SLC9A9: variants seen among roughly 807,000 people sequenced by gnomAD.
SLC9A9 encodes the protein sodium/hydrogen exchanger 9.
SLC9A9 carries 62 observed loss-of-function variants against 77.8 expected under a neutral mutation model. The ratio of observed to expected loss-of-function variants is 0.80; its 90% confidence interval spans 0.65 to 0.98. The LOEUF is 0.98. Ranked by LOEUF, SLC9A9 falls within the 50% of genes least tolerant of loss-of-function variation. The pLI is 0.00. For synonymous variants in SLC9A9, 320 were observed against 283.5 expected, an observed-to-expected ratio of 1.13 and a Z score of -1.29; for missense variants, 775 against 774.9, an observed-to-expected ratio of 1.00 and a Z score of 0.00.
intron 14 of SLC9A9, among the ~76,000 whole-genome samples, chr3:143,349,938 TC>T (rs2032402962): frequency 6.6e-6 from 1 of 152,144 alleles, no homozygotes; most frequent in African/African-American, 2.4e-5. Flanking sequence ...GAGAACTCCA[TC>T]CGCGAGGCAA....
chr3:143,653,554 G>C (rs1188506667), intron 5 of SLC9A9, among the ~76,000 whole-genome samples: 1 of 152,144 alleles, frequency 6.6e-6, no homozygotes, highest in Non-Finnish European at 1.5e-5. Flanking sequence ...AAGCAAGACA[G>C]ACAAGTTGAA....
At chr3:143,275,116 A>T (rs1481957193) in intron 14 of SLC9A9, among the ~76,000 whole-genome samples, 1 of 152,184 alleles carries the variant, frequency 6.6e-6, no homozygotes, top group Non-Finnish European at 1.5e-5. Context: ...TTGTATGTTG[A>T]TAATAGTTCG....
At chr3:143,652,516 C>T (rs2038814800) in intron 5 of SLC9A9, among the ~76,000 whole-genome samples, 156 bp from the exon 6 acceptor site, 1 of 152,042 alleles carries the variant, frequency 6.6e-6, no homozygotes, top group South Asian at 2.1e-4. Context: ...ATATCTGATG[C>T]TTAAGAGGCT....
rs79182960 is a variant in SLC9A9, at chr3:143,545,055, T to C, written c.1089+7307A>G. The stretch of plus-strand genomic sequence containing the variant: ...GTCCATTTTTGTACTGGTACAATAC[T>C]GTTTCGGTTACTGTAGCCTTATAGT... On this transcript the variant is annotated intron_variant, in intron 9 of 15. Coordinates refer to ENST00000316549, the MANE Select transcript of SLC9A9 (RefSeq NM_173653.4). Among the ~76,000 whole-genome samples the C allele has an allele frequency of 7.6e-3, 1,159 of 152,352 alleles. 21 individuals carry two copies. Among genetic ancestry groups the C allele is most frequent in the African/African-American group, 0.027 (1,119 of 41,586 alleles).
intron 8 of SLC9A9, among the ~76,000 whole-genome samples, chr3:143,556,636 T>C (rs2036987967): frequency 6.6e-6 from 1 of 152,208 alleles, no homozygotes; most frequent in Non-Finnish European, 1.5e-5. Context: ...CACACTTGCT[T>C]CCTGTAAGTA....
intron 14 of SLC9A9, among the ~76,000 whole-genome samples, chr3:143,321,884 T>G (rs1412512881): frequency 6.6e-6 from 1 of 152,130 alleles, no homozygotes; most frequent in East Asian, 1.9e-4. Context: ...TGTTATAGAG[T>G]CTCTTCCCAG....
At chr3:143,487,840 A>C (rs767998844) in intron 11 of SLC9A9, among the ~76,000 whole-genome samples, 3 of 151,860 alleles carry the variant, frequency 2.0e-5, no homozygotes, top group Non-Finnish European at 4.4e-5. Context: ...TAAATAAACA[A>C]GAAAAAGAAA....
At chr3:143,576,082 C>A (rs989200463) in intron 7 of SLC9A9, among the ~76,000 whole-genome samples, 1 of 152,330 alleles carries the variant, frequency 6.6e-6, no homozygotes, top group East Asian at 1.9e-4. Context: ...GTTACACCTT[C>A]CCCTCACATC....
chr3:143,743,236 TGG>T (rs1491196385), intron 4 of SLC9A9, among the ~76,000 whole-genome samples: 15 of 136,518 alleles, frequency 1.1e-4, no homozygotes, highest in East Asian at 4.3e-4. Flanking sequence ...GATGGATGGA[TGG>T]ATGGATAGAT....
At chr3:143,778,499 C>A (rs191068874) in intron 4 of SLC9A9, among the ~76,000 whole-genome samples, 1 of 151,964 alleles carries the variant, frequency 6.6e-6, no homozygotes, top group Non-Finnish European at 1.5e-5. Flanking sequence ...AAAGCAAAGA[C>A]GGTTTTCAGA....
intron 6 of SLC9A9, among the ~76,000 whole-genome samples, chr3:143,643,179 AG>A (rs2038650672): frequency 6.6e-6 from 1 of 152,196 alleles, no homozygotes; most frequent in Non-Finnish European, 1.5e-5. Flanking sequence ...GTATCACCTC[AG>A]GGCAGTTTCA....
intron 1 of SLC9A9, among the ~76,000 whole-genome samples, chr3:143,847,091 C>T (rs1192761218): frequency 6.6e-6 from 1 of 152,168 alleles, no homozygotes; most frequent in Non-Finnish European, 1.5e-5. Flanking sequence ...CAACTATACA[C>T]TGTTAATATC....
chr3:143,833,412 G>A (rs1456322449), intron 1 of SLC9A9, among the ~76,000 whole-genome samples: 1 of 152,198 alleles, frequency 6.6e-6, no homozygotes, highest in East Asian at 1.9e-4. Context: ...CATGTGCTAT[G>A]ACCGCTGGGA....
chr3:143,816,572 AT>A (rs1337081929), intron 2 of SLC9A9, among the ~76,000 whole-genome samples: 5 of 152,094 alleles, frequency 3.3e-5, no homozygotes, highest in African/African-American at 9.7e-5. Context: ...TCATGATTTG[AT>A]TTTTTTCCCT....
chr3:143,617,301 C>T (rs1224724207), intron 6 of SLC9A9, among the ~76,000 whole-genome samples: 5 of 152,194 alleles, frequency 3.3e-5, no homozygotes, highest in African/African-American at 1.2e-4. Context: ...ATTTATTGAC[C>T]TAGTGCATAT....
chr3:143,731,331 A>T (rs1177643390), intron 4 of SLC9A9, among the ~76,000 whole-genome samples: 1 of 152,136 alleles, frequency 6.6e-6, no homozygotes, highest in African/African-American at 2.4e-5. Flanking sequence ...CAACCAGTTC[A>T]CCTAATTCCA....
chr3:143,404,103 T>G (rs1576474641), intron 12 of SLC9A9, among the ~76,000 whole-genome samples: 1 of 152,074 alleles, frequency 6.6e-6, no homozygotes, highest in Non-Finnish European at 1.5e-5. Flanking sequence ...AGTTGGGCCC[T>G]TTTAGGAAAT....
chr3:143,476,304 A>G (rs1044947925), intron 11 of SLC9A9, among the ~76,000 whole-genome samples: 1 of 152,238 alleles, frequency 6.6e-6, no homozygotes, highest in Non-Finnish European at 1.5e-5. Context: ...AGCCTGTGTT[A>G]GACAAGTAGA....
chr3:143,625,961 G>C (rs1276492781), intron 6 of SLC9A9, among the ~76,000 whole-genome samples: 1 of 152,194 alleles, frequency 6.6e-6, no homozygotes, highest in East Asian at 1.9e-4. Flanking sequence ...CGAAGGATAT[G>C]AACAGACACT....
Sources: allele counts gnomAD v4.1 joint callset (sites outside exome capture counted in the v4.1 genomes callset), GRCh38; gene constraint gnomAD v4.1.1; transcripts MANE v1.5; gene names NCBI Gene and HGNC (gene_info 2026-07-23, HGNC 2026-07-21).